The following DEFB121 variants were observed in gnomAD, a reference collection of about 807,000 sequenced individuals.
DEFB121 encodes the protein beta-defensin 121.
DEFB121 carries 5 observed loss-of-function variants against 2.5 expected under a neutral mutation model. The observed-to-expected ratio is 1.96, with a 90% CI of 1.03 to 4.13. The LOEUF is 4.13. DEFB121 is among the 30% of genes most tolerant of loss of function. The pLI, the probability that DEFB121 is intolerant of heterozygous loss-of-function variation, is 0.00. For synonymous variants in DEFB121, 39 were observed against 32.6 expected, an observed-to-expected ratio of 1.20 and a Z score of -0.67; for missense variants, 87 against 85.0, an observed-to-expected ratio of 1.02 and a Z score of -0.09.
upstream of DEFB121, among the ~76,000 whole-genome samples, chr20:31,415,793 G>A (rs981477977): frequency 1.3e-5 from 2 of 152,156 alleles, no homozygotes; most frequent in Non-Finnish European, 2.9e-5. Flanking sequence ...AGGAGAGGGT[G>A]TAAAAGAGTA....
At chr20:31,405,381 C>T (rs1435049081) in intron 1 of DEFB121, among the ~76,000 whole-genome samples, 2 of 152,092 alleles carry the variant, frequency 1.3e-5, no homozygotes, top group South Asian at 2.1e-4. Flanking sequence ...GGACCCCTCT[C>T]CCAAGGGTTT....
At chr20:31,416,241 A>G (rs1320639211), upstream of DEFB121, among the ~76,000 whole-genome samples, 1 of 152,080 alleles carries the variant, frequency 6.6e-6, no homozygotes, top group East Asian at 1.9e-4. Flanking sequence ...TTGTATTTTT[A>G]GTAGAGATGG....
chr20:31,413,489 G>A (rs371467813), upstream of DEFB121, among the ~76,000 whole-genome samples: 1 of 152,174 alleles, frequency 6.6e-6, no homozygotes, highest in East Asian at 1.9e-4. Flanking sequence ...TCTAAGAACA[G>A]AGGTCTGTTT....
rs1426305247 is a variant in DEFB121 at position 31,404,924 on chromosome 20, A to G, written c.220T>C (p.Ser74Pro). The G allele has an allele frequency of 6.2e-7, 1 of 1,614,004 alleles. No homozygotes were observed. The highest frequency in any genetic ancestry group is 1.1e-5 in the South Asian group (1 of 91,008). ...TTGGAAGAGAGGTGTCAGACTGCAG[A>G]AGTTGATTCCAGGCTTGTATTTGTG... Reference protein sequence around the residue: ...TDTNTSLESTSAV With the variant: ...TDTNTSLESTPAV Residue 74 changes from serine (S) to proline (P), a missense_variant, in exon 2 of 2, where the codon TCT becomes CCT. Ser to Pro is a moderately conservative substitution (Grantham distance 74). Transcript: ENST00000376314.
At chr20:31,413,103 A>C (rs1280323219), upstream of DEFB121, among the ~76,000 whole-genome samples, 5 of 152,100 alleles carry the variant, frequency 3.3e-5, no homozygotes, top group African/African-American at 7.2e-5. Context: ...TCAGCTTCTC[A>C]TCCCTCCTCA....
intron 1 of DEFB121, chr20:31,412,532 G>A (rs1271549114): frequency 2.1e-6 from 2 of 931,810 alleles, no homozygotes; most frequent in African/African-American, 1.7e-5. Flanking sequence ...ATTAAATTAG[G>A]TGATGCTTGT....
upstream of DEFB121, among the ~76,000 whole-genome samples, chr20:31,407,524 A>C (rs550374031): frequency 1.0e-3 from 154 of 152,278 alleles, no homozygotes; most frequent in African/African-American, 3.4e-3. Flanking sequence ...CAGTGGTCCA[A>C]GGAGGATGAG....
chr20:31,408,361 A>C (rs562362048), upstream of DEFB121, among the ~76,000 whole-genome samples: 3 of 152,204 alleles, frequency 2.0e-5, no homozygotes, highest in Middle Eastern at 0.01. Context: ...CTGAGGCAGG[A>C]AAATCATTTG....
upstream of DEFB121, among the ~76,000 whole-genome samples, chr20:31,410,223 G>T (rs566787179): frequency 6.6e-6 from 1 of 152,190 alleles, no homozygotes; most frequent in Admixed American, 6.5e-5. Context: ...CATGGATGCA[G>T]CTGGAGGTCA....
chr20:31,404,927 T>C lies in DEFB121; in HGVS notation c.217A>G (p.Thr73Ala). The change falls in exon 2 of 2, where the codon ACT becomes GCT. Residue 73 changes from threonine (T) to alanine (A), a missense_variant. By Grantham distance (58) the Thr-to-Ala change is moderately conservative. Transcript: ENST00000376314. ...GAAGAGAGGTGTCAGACTGCAGAAGTTGATTCCAGGCTTGTATTTGTGTCT... is the reference window on the plus strand; with the variant it reads ...GAAGAGAGGTGTCAGACTGCAGAAGCTGATTCCAGGCTTGTATTTGTGTCT... The part of the protein sequence containing the change: ...LTDTNTSLES[T>A]SAV 1 of 1,614,048 alleles carries C rather than the reference T, an allele frequency of 6.2e-7. No homozygotes were observed. Among genetic ancestry groups the C allele is most frequent in the Non-Finnish European group, 8.5e-7 (1 of 1,180,002 alleles).
At chr20:31,406,559 C>T (rs972840351), upstream of DEFB121, among the ~76,000 whole-genome samples, 3 of 152,164 alleles carry the variant, frequency 2.0e-5, no homozygotes, top group African/African-American at 7.2e-5. Context: ...GCAACAAGGA[C>T]ATCTTAGGAT....
upstream of DEFB121, chr20:31,406,316 G>A: frequency 7.2e-7 from 1 of 1,394,442 alleles, no homozygotes; most frequent in Non-Finnish European, 9.3e-7. Context: ...CAGACAGGCA[G>A]GCAAGGAAGG....
chr20:31,414,776 C>G (rs187890385), upstream of DEFB121, among the ~76,000 whole-genome samples: 51 of 152,110 alleles, frequency 3.4e-4, no homozygotes, highest in Non-Finnish European at 5.9e-4. Context: ...AGAGGCCAGG[C>G]GCAGTAGCTC....
rs575804159 is a variant in DEFB121 at position 31,411,560 on chromosome 20, C to T, written n.217+1062G>A. 5.6e-5 allele frequency among the ~76,000 whole-genome samples: 8 copies of T among 142,548 alleles called. No homozygotes were observed. The South Asian group carries it at 1.1e-3, about 19-fold the overall frequency. 93.5% of individuals were successfully genotyped at this position (142,548 alleles called of 152,430 possible). A position where few individuals can be genotyped will look rare whatever the true frequency, so the allele number is the denominator to read the frequency against. ...AGAAAAGTAAAAAAGAATGTATGAACGCAGAGCAAAAAAAAAAAAGAAAGC... is the reference window on the plus strand; with the variant it reads ...AGAAAAGTAAAAAAGAATGTATGAATGCAGAGCAAAAAAAAAAAAGAAAGC... On this transcript the variant is annotated intron_variant and non_coding_transcript_variant, in intron 1 of 1. Transcript: ENST00000376312.
chr20:31,415,292 C>T (rs1345625842), upstream of DEFB121, among the ~76,000 whole-genome samples: 1 of 151,832 alleles, frequency 6.6e-6, no homozygotes, highest in South Asian at 2.1e-4. Flanking sequence ...CTCTATCCCC[C>T]AGGCTGGAGT....
At chr20:31,416,316 C>T (rs977233262), upstream of DEFB121, among the ~76,000 whole-genome samples, 1 of 152,168 alleles carries the variant, frequency 6.6e-6, no homozygotes, top group East Asian at 1.9e-4. Flanking sequence ...CCGCTTTGGC[C>T]TCCCAAAGTG....
At chr20:31,414,542 CAT>C (rs1419886789), upstream of DEFB121, among the ~76,000 whole-genome samples, 4 of 152,164 alleles carry the variant, frequency 2.6e-5, no homozygotes, top group Non-Finnish European at 4.4e-5. Context: ...AATTCTGCAA[CAT>C]GTGATGACGT....
intron 1 of DEFB121, among the ~76,000 whole-genome samples, chr20:31,405,468 C>T (rs187715143): frequency 9.3e-4 from 141 of 152,304 alleles, no homozygotes; most frequent in Middle Eastern, 6.8e-3. Flanking sequence ...TTGGTACCCC[C>T]TCTGACCATA....
At chr20:31,413,899 T>C (rs933266882), upstream of DEFB121, among the ~76,000 whole-genome samples, 2 of 152,118 alleles carry the variant, frequency 1.3e-5, no homozygotes, top group African/African-American at 4.8e-5. Context: ...GAAAACGGTA[T>C]GGAGGTTCTT....
Sources: gnomAD v4.1 joint callset for allele counts (sites outside exome capture counted in the v4.1 genomes callset) on GRCh38, gnomAD v4.1.1 for gene constraint, MANE v1.5 for transcripts, NCBI Gene and HGNC (gene_info 2026-07-23, HGNC 2026-07-21) for gene names.